The following KCNT1 variants were observed in gnomAD, a reference collection of about 807,000 sequenced individuals.
The protein encoded by KCNT1 is potassium sodium-activated channel subfamily T member 1.
A neutral mutation model predicts 147.8 loss-of-function variants in KCNT1; 78 were observed. The observed-to-expected ratio is 0.53, with a 90% CI of 0.44 to 0.64. KCNT1 has a LOEUF of 0.64. Ranked by LOEUF, KCNT1 falls within the 30% of genes least tolerant of loss-of-function variation. The pLI, the probability that KCNT1 is intolerant of heterozygous loss-of-function variation, is 0.00. For synonymous variants in KCNT1, 867 were observed against 748.8 expected, an observed-to-expected ratio of 1.16 and a Z score of -2.58; for missense variants, 1,419 against 1,750.3, an observed-to-expected ratio of 0.81 and a Z score of 3.38.
intron 2 of KCNT1, among the ~76,000 whole-genome samples, chr9:135,731,985 T>TAGAG (rs1564327978): frequency 7.7e-4 from 18 of 23,262 alleles, no homozygotes; most frequent in African/African-American, 1.6e-3. Flanking sequence ...TATATATATA[T>TAGAG]ATATATAGAG....
chr9:135,784,241 C>T, intron 25 of KCNT1, 116 bp downstream of exon 25: 4 of 856,440 alleles, frequency 4.7e-6, no homozygotes, highest in Non-Finnish European at 7.6e-6. Context: ...ATGACCTTCC[C>T]TGGATTCCAA....
At chr9:135,772,507 TCGCTC>T (rs1256429932) in intron 18 of KCNT1, among the ~76,000 whole-genome samples, 4 of 152,156 alleles carry the variant, frequency 2.6e-5, no homozygotes, top group African/African-American at 9.7e-5. Context: ...CCCTGGGTCT[TCGCTC>T]AACATCATCG....
At chr9:135,776,625 C>T (rs578056514) in intron 20 of KCNT1, among the ~76,000 whole-genome samples, 10 of 152,218 alleles carry the variant, frequency 6.6e-5, no homozygotes, top group Non-Finnish European at 1.2e-4. Flanking sequence ...GGCTCGGCCA[C>T]GGAGGGGACC....
intron 2 of KCNT1, among the ~76,000 whole-genome samples, chr9:135,738,402 C>T (rs963569110): frequency 2.6e-5 from 4 of 152,188 alleles, no homozygotes; most frequent in African/African-American, 7.2e-5. Flanking sequence ...AGGGCAGGCT[C>T]CTGAGCAGAG....
intron 2 of KCNT1, among the ~76,000 whole-genome samples, chr9:135,724,071 G>A (rs1836031369): frequency 1.3e-5 from 2 of 152,224 alleles, no homozygotes; most frequent in Admixed American, 1.3e-4. Context: ...TTTCCCCTCT[G>A]AATTTTTATC....
chr9:135,771,135 C>T (rs1832730487), intron 18 of KCNT1, 40 bp downstream of exon 18: 3 of 1,560,358 alleles, frequency 1.9e-6, no homozygotes, highest in South Asian at 1.2e-5. Flanking sequence ...TGGGCCTGCT[C>T]CTTTGGCGGG....
chr9:135,745,084 T>C (rs1264034719), intron 2 of KCNT1, among the ~76,000 whole-genome samples: 1 of 152,214 alleles, frequency 6.6e-6, no homozygotes, highest in Non-Finnish European at 1.5e-5. Context: ...GTGTGGACTC[T>C]GGGAATGGCG....
intron 19 of KCNT1, among the ~76,000 whole-genome samples, chr9:135,774,688 CGTGTGCAT>C (rs1399153150): frequency 6.6e-6 from 1 of 151,858 alleles, no homozygotes; most frequent in Non-Finnish European, 1.5e-5. Context: ...ACGTGGTGCA[CGTGTGCAT>C]ACGCCTGCAT....
rs187872786 is a variant in KCNT1 at position 135,751,051 on chromosome 9, G to T, written c.434+10G>T. Reference sequence around the variant, plus strand: ...CCCTGGGCATCGGATGGTGGGCCACGTGCGCGGCCGGGCGCGGGGTCCCGG... The same window carrying T: ...CCCTGGGCATCGGATGGTGGGCCACTTGCGCGGCCGGGCGCGGGGTCCCGG... On this transcript the variant is annotated intron_variant, in intron 4 of 30. Transcript: ENST00000371757. 2 of 1,607,590 alleles carry T rather than the reference G, an allele frequency of 1.2e-6. No homozygotes were observed. Among genetic ancestry groups the T allele is most frequent in the Non-Finnish European group, 1.7e-6 (2 of 1,179,088 alleles).
Position 135,772,800 on chromosome 9 carries a change from C to T in KCNT1, c.2094C>T (p.Pro698=). The T allele has an allele frequency of 6.6e-7, 1 of 1,513,500 alleles. No homozygotes were observed. The highest frequency in any genetic ancestry group is 1.3e-5 in the South Asian group (1 of 77,970). 93.8% of individuals were successfully genotyped at this position (1,513,500 alleles called of 1,614,324 possible). The part of the protein sequence containing the change: ...GGGGGSKLAL[P]TENGSGSRRP... The stretch of plus-strand genomic sequence containing the variant: ...GCGGGGGCAGCAAGCTGGCACTGCC[C>T]ACGGAGAACGGCTCGGGCAGCCGGC... Residue 698 remains proline (P), a synonymous_variant, in exon 19 of 31, where the codon CCC becomes CCT. Coordinates refer to ENST00000371757, the MANE Select transcript of KCNT1 (RefSeq NM_020822.3).
intron 29 of KCNT1, 34 bp from the exon 30 acceptor site, chr9:135,791,763 G>C (rs750939300): frequency 1.3e-6 from 2 of 1,594,188 alleles, no homozygotes; most frequent in Middle Eastern, 1.7e-4. Context: ...GCAGGGCTGG[G>C]GGGGTGACGT....
rs767450181 is a variant in KCNT1 at position 135,786,470 on chromosome 9, G to A, written c.3451G>A (p.Glu1151Lys). 42 of 1,603,616 alleles carry A rather than the reference G, an allele frequency of 2.6e-5. No individual in the cohort carries two copies. The highest frequency in any genetic ancestry group is 3.4e-5 in the Non-Finnish European group (40 of 1,176,520). The change falls in exon 29 of 31, where the codon GAG becomes AAG. Residue 1151 changes from glutamate (E) to lysine (K), a missense_variant. Physicochemically the swap from Glu to Lys is moderately conservative, Grantham distance 56. Around this residue, in one of 5 missense-constraint regions of KCNT1, gnomAD observed 306 missense variants for 294.2 expected, o/e 1.04. Coordinates refer to ENST00000371757, the MANE Select transcript of KCNT1 (RefSeq NM_020822.3). ...GCGCTCTGAGCGCCAGGAGCTCTCC[G>A]AGCTGGTGAAGAACCGCATGAAGCA... The part of the protein sequence containing the change: ...YRRSERQELS[E>K]LVKNRMKHLG...
intron 24 of KCNT1, among the ~76,000 whole-genome samples, chr9:135,780,675 C>A (rs1171794967): frequency 6.6e-6 from 1 of 152,226 alleles, no homozygotes; most frequent in Non-Finnish European, 1.5e-5. Flanking sequence ...GCCCGCCGCC[C>A]AAGCCCACCC....
In KCNT1 at chr9:135,757,248, G is replaced by A. The variant is rs1467505450; in HGVS notation, c.675+18G>A. On this transcript the variant is annotated intron_variant, in intron 8 of 30. Transcript: ENST00000371757. ...TCATCACGGTGGGTGAGCCCCAGCT[G>A]CCAGGAGTGCGGGCCCTGGAGCCCC... The A allele has an allele frequency of 6.2e-7, 1 of 1,612,696 alleles. No individual in the cohort carries two copies. The highest frequency in any genetic ancestry group is 8.5e-7 in the Non-Finnish European group (1 of 1,179,822).
rs1239661382 is a variant in KCNT1 at position 135,770,837 on chromosome 9, T to C, written c.1770-20T>C. On this transcript the variant is annotated intron_variant, in intron 17 of 30. Coordinates refer to ENST00000371757, the MANE Select transcript of KCNT1 (RefSeq NM_020822.3). ...GGCGGGTGAGCGGCGGTACCTGAAGTTGCCGGTGCCTCTGCCCAGGTATGG... is the reference window on the plus strand; with the variant it reads ...GGCGGGTGAGCGGCGGTACCTGAAGCTGCCGGTGCCTCTGCCCAGGTATGG... 1.9e-6 allele frequency: 3 copies of C among 1,550,238 alleles called. No individual in the cohort carries two copies. Among genetic ancestry groups the C allele is most frequent in the Non-Finnish European group, 1.7e-6 (2 of 1,144,228 alleles).
At position 135,717,869 on chromosome 9, in the gene KCNT1, G is replaced by GC. The variant is rs1423121585; in HGVS notation, c.254+3150dup. On this transcript the variant is annotated intron_variant, in intron 2 of 30. Transcript: ENST00000371757. ...AAACCTTCTTTGCCCAAAGGGGCTTGCTTCAGCCTCCATGGTAGGGTTGGG... is the reference window on the plus strand; with the variant it reads ...AAACCTTCTTTGCCCAAAGGGGCTTGCCTTCAGCCTCCATGGTAGGGTTGGG... 3.9e-5 allele frequency among the ~76,000 whole-genome samples: 6 copies of GC among 152,350 alleles called. No homozygotes were observed. The East Asian group carries it at 1.2e-3, about 29-fold the overall frequency.
intron 1 of KCNT1, 106 bp downstream of exon 1, chr9:135,702,474 G>A (rs997008855): frequency 1.2e-5 from 11 of 950,486 alleles, no homozygotes; most frequent in East Asian, 2.7e-5. Context: ...CATTCCCAGG[G>A]CCATCCAACT....
chr9:135,790,537 C>T (rs1339594042), intron 29 of KCNT1: 1 of 152,492 alleles, frequency 6.6e-6, no homozygotes, highest in African/African-American at 2.4e-5. Flanking sequence ...TGGTCGCCCC[C>T]AAGTCCTAGC....
intron 2 of KCNT1, among the ~76,000 whole-genome samples, chr9:135,743,991 G>T (rs914967605): frequency 6.6e-6 from 1 of 152,268 alleles, no homozygotes; most frequent in African/African-American, 2.4e-5. Flanking sequence ...CTTCCTGCCT[G>T]CCTGCCTGGT....
Sources: gnomAD v4.1 joint callset for allele counts (sites outside exome capture counted in the v4.1 genomes callset) on GRCh38, gnomAD v4.1.1 for gene constraint, gnomAD v4.1.1 regional missense constraint, MANE v1.5 for transcripts, NCBI Gene and HGNC (gene_info 2026-07-23, HGNC 2026-07-21) for gene names.